Variants in TBC1D5 observed in about 807,000 individuals in gnomAD.
TBC1D5 encodes TBC1 domain family member 5.
Under a neutral mutation model 100.3 loss-of-function variants are expected in TBC1D5, and 75 were observed. The ratio of observed to expected loss-of-function variants is 0.75; its 90% confidence interval spans 0.62 to 0.91. The LOEUF (loss-of-function observed/expected upper bound fraction) is 0.91. Ranked by LOEUF, TBC1D5 falls within the 40% of genes least tolerant of loss-of-function variation. TBC1D5 has a pLI of 0.00. For missense variants in TBC1D5, 910 were observed against 942.4 expected (o/e 0.97, Z 0.45); for synonymous variants, 323 against 325.6 (o/e 0.99, Z 0.09).
At chr3:17,421,217 G>C (rs1007332723) in intron 4 of TBC1D5, among the ~76,000 whole-genome samples, 1 of 152,094 alleles carries the variant, frequency 6.6e-6, no homozygotes, top group Non-Finnish European at 1.5e-5. Context: ...ATTCAAATGT[G>C]ATTTTTCTTT....
At chr3:17,704,902 G>C (rs1577648744) in intron 1 of TBC1D5, among the ~76,000 whole-genome samples, 1 of 107,910 alleles carries the variant, frequency 9.3e-6, no homozygotes, top group African/African-American at 3.8e-5. Context: ...CTCCCGGACG[G>C]GGCGGCTGGC....
intron 1 of TBC1D5, among the ~76,000 whole-genome samples, chr3:17,658,341 C>A (rs773039221): frequency 6.6e-6 from 1 of 152,172 alleles, no homozygotes; most frequent in Non-Finnish European, 1.5e-5. Flanking sequence ...TATAGCATCA[C>A]TCTGTCCTCA....
rs1388261457 is a variant in TBC1D5 at position 17,291,995 on chromosome 3, G to C, written c.1145C>G (p.Ser382Cys). 3 of 1,612,680 alleles carry C rather than the reference G, an allele frequency of 1.9e-6. No homozygotes were observed. The highest frequency in any genetic ancestry group is 2.2e-5 in the East Asian group (1 of 44,868). ...GCCGAGACAGGTCTGGTAGTTACTA[G>C]AGATCACTAAATAAGAAGAAAAAAT... The change falls in exon 15 of 22, where the codon TCT becomes TGT. Residue 382 changes from serine (S) to cysteine (C), a missense_variant. By Grantham distance (112) the Ser-to-Cys change is moderately radical. Transcript: ENST00000253692.
At chr3:17,232,208 T>C (rs929897374) in intron 17 of TBC1D5, among the ~76,000 whole-genome samples, 1 of 152,166 alleles carries the variant, frequency 6.6e-6, no homozygotes, top group Admixed American at 6.6e-5. Context: ...GATTTATTAA[T>C]AGCATAGAAG....
intron 3 of TBC1D5, among the ~76,000 whole-genome samples, chr3:17,437,583 T>G (rs2094558666): frequency 7.1e-6 from 1 of 140,054 alleles, no homozygotes. Context: ...TGTGTGTGTG[T>G]GGTGGGATGG....
chr3:17,374,402 C>T, intron 12 of TBC1D5, 69 bp downstream of exon 12: 2 of 1,431,578 alleles, frequency 1.4e-6, no homozygotes, highest in Non-Finnish European at 1.9e-6. Context: ...TCTTTGGTTA[C>T]ATGTTGTTAT....
chr3:17,720,536 G>A (rs2153964667), intron 1 of TBC1D5, among the ~76,000 whole-genome samples: 1 of 152,300 alleles, frequency 6.6e-6, no homozygotes, highest in Admixed American at 6.5e-5. Flanking sequence ...GTTGGGCATG[G>A]TGGCTCACAC....
At chr3:17,207,569 C>T (rs1332174246) in intron 18 of TBC1D5, among the ~76,000 whole-genome samples, 1 of 152,006 alleles carries the variant, frequency 6.6e-6, no homozygotes, top group African/African-American at 2.4e-5. Context: ...TGAATCTTGC[C>T]CTCTTTCATT....
At chr3:17,448,289 C>T (rs971804000) in intron 3 of TBC1D5, among the ~76,000 whole-genome samples, 1 of 152,178 alleles carries the variant, frequency 6.6e-6, no homozygotes, top group Non-Finnish European at 1.5e-5. Context: ...GAACTTAAAA[C>T]TTGAACATCT....
chr3:17,547,554 T>C (rs1487854923), intron 2 of TBC1D5, among the ~76,000 whole-genome samples: 1 of 152,200 alleles, frequency 6.6e-6, no homozygotes, highest in Non-Finnish European at 1.5e-5. Context: ...CATTTCTTTC[T>C]TTTTCCTATT....
intron 19 of TBC1D5, among the ~76,000 whole-genome samples, chr3:17,183,758 C>G (rs757310864): frequency 2.6e-5 from 4 of 152,170 alleles, no homozygotes; most frequent in African/African-American, 9.7e-5. Context: ...TTACTGAGGC[C>G]AGTACGGTTT....
intron 8 of TBC1D5, among the ~76,000 whole-genome samples, chr3:17,398,906 A>T (rs1241441478): frequency 6.6e-6 from 1 of 152,118 alleles, no homozygotes; most frequent in Non-Finnish European, 1.5e-5. Context: ...AAATAATATT[A>T]AAAAGTTATT....
At chr3:17,723,302 A>C (rs1577803303) in intron 1 of TBC1D5, among the ~76,000 whole-genome samples, 2 of 152,314 alleles carry the variant, frequency 1.3e-5, no homozygotes, top group South Asian at 4.1e-4. Context: ...ATATACACCT[A>C]TTACATACCC....
At chr3:17,702,756 A>G (rs1047390837) in intron 1 of TBC1D5, among the ~76,000 whole-genome samples, 2 of 152,160 alleles carry the variant, frequency 1.3e-5, no homozygotes, top group African/African-American at 2.4e-5. Flanking sequence ...TTGAGCCTTA[A>G]TAAGACTCAT....
chr3:17,633,752 T>C (rs1050782999), intron 1 of TBC1D5, among the ~76,000 whole-genome samples: 3 of 152,140 alleles, frequency 2.0e-5, no homozygotes, highest in Non-Finnish European at 2.9e-5. Flanking sequence ...TCAATACATT[T>C]AATTTAAAAA....
intron 3 of TBC1D5, among the ~76,000 whole-genome samples, chr3:17,434,545 T>C (rs2094501460): frequency 1.3e-5 from 2 of 152,162 alleles, no homozygotes; most frequent in Non-Finnish European, 2.9e-5. Context: ...CTCCCAAATC[T>C]CATGTCTTTA....
chr3:17,459,500 T>C (rs1576113321), intron 3 of TBC1D5, among the ~76,000 whole-genome samples: 2 of 152,204 alleles, frequency 1.3e-5, no homozygotes, highest in Non-Finnish European at 2.9e-5. Context: ...AGGACCTCTG[T>C]TATAGAGAAT....
At chr3:17,301,333 T>C (rs1281507989) in intron 14 of TBC1D5, among the ~76,000 whole-genome samples, 1 of 152,218 alleles carries the variant, frequency 6.6e-6, no homozygotes, top group Non-Finnish European at 1.5e-5. Context: ...AAGTAGGCCA[T>C]GCTTTCTTTG....
chr3:17,411,786 G>A (rs935913935), intron 4 of TBC1D5, among the ~76,000 whole-genome samples: 2 of 152,140 alleles, frequency 1.3e-5, no homozygotes, highest in South Asian at 4.1e-4. Context: ...CTTGATTACG[G>A]TGTTGGTATA....
Sources: gnomAD v4.1 joint callset for allele counts (sites outside exome capture counted in the v4.1 genomes callset) on GRCh38, gnomAD v4.1.1 for gene constraint, MANE v1.5 for transcripts, NCBI Gene and HGNC (gene_info 2026-07-23, HGNC 2026-07-21) for gene names.